ASTN2: variants seen among roughly 807,000 people sequenced by gnomAD.
ASTN2 encodes astrotactin-2.
In ASTN2, 54 loss-of-function variants were observed where a neutral mutation model predicts 139.8. That is an observed-to-expected ratio of 0.39 (90% confidence interval 0.31 to 0.48). The LOEUF (loss-of-function observed/expected upper bound fraction) is 0.48, where lower values mean the gene tolerates loss of function less well. ASTN2 is among the 20% of genes least tolerant of loss of function. The probability of loss-of-function intolerance (pLI) is 0.95; values close to 1 mark genes in which losing one functional copy is unlikely to be tolerated. For synonymous variants in ASTN2, 756 were observed against 719.5 expected (o/e 1.05, Z -0.81); for missense variants, 1,565 against 1,725.1 (o/e 0.91, Z 1.64).
chr9:117,244,943 A>G (rs893908324), intron 2 of ASTN2, among the ~76,000 whole-genome samples: 1 of 152,074 alleles, frequency 6.6e-6, no homozygotes, highest in Non-Finnish European at 1.5e-5. Context: ...GACTTTTTTC[A>G]GTTATATGTA....
chr9:116,973,601 C>A (rs79910900), intron 10 of ASTN2, among the ~76,000 whole-genome samples: 2 of 152,158 alleles, frequency 1.3e-5, no homozygotes, highest in African/African-American at 4.8e-5. Flanking sequence ...TGATTTCAAA[C>A]GAGGTAACTG....
chr9:116,724,716 A>G (rs1038579675), intron 16 of ASTN2, among the ~76,000 whole-genome samples: 5 of 152,124 alleles, frequency 3.3e-5, no homozygotes, highest in Non-Finnish European at 5.9e-5. Flanking sequence ...GTTCTTGGAG[A>G]TAGGGTGGCT....
chr9:117,150,508 A>G (rs1830304057), intron 3 of ASTN2, among the ~76,000 whole-genome samples: 1 of 152,154 alleles, frequency 6.6e-6, no homozygotes, highest in African/African-American at 2.4e-5. Context: ...CCTTGATAGC[A>G]ATGTGCAGGA....
At chr9:116,837,435 C>G (rs1318224532) in intron 11 of ASTN2, among the ~76,000 whole-genome samples, 2 of 152,138 alleles carry the variant, frequency 1.3e-5, no homozygotes, top group Non-Finnish European at 2.9e-5. Flanking sequence ...GAGGAAGATG[C>G]CTGGAGGATT....
chr9:117,042,085 C>T (rs1007291244), intron 5 of ASTN2, among the ~76,000 whole-genome samples: 7 of 152,120 alleles, frequency 4.6e-5, no homozygotes, highest in African/African-American at 1.7e-4. Flanking sequence ...CATGATGACT[C>T]CCATAAATGA....
intron 19 of ASTN2, chr9:116,504,140 G>C (rs1850004994): frequency 6.6e-6 from 1 of 152,240 alleles, no homozygotes; most frequent in South Asian, 2.1e-4. Flanking sequence ...AAAAACAATA[G>C]AAAAATAAAA....
chr9:116,990,120 C>T (rs1019655190), intron 7 of ASTN2, among the ~76,000 whole-genome samples: 1 of 152,072 alleles, frequency 6.6e-6, no homozygotes, highest in African/African-American at 2.4e-5. Context: ...TTTCCTTATC[C>T]ACAAATATAA....
At chr9:116,525,586 C>CT (rs1353355477) in intron 19 of ASTN2, among the ~76,000 whole-genome samples, 2 of 152,162 alleles carry the variant, frequency 1.3e-5, no homozygotes, top group Non-Finnish European at 2.9e-5. Context: ...CATCTCATCT[C>CT]TAATAGTGGT....
intron 1 of ASTN2, among the ~76,000 whole-genome samples, chr9:117,297,120 G>A (rs547282294): frequency 6.6e-6 from 1 of 152,274 alleles, no homozygotes; most frequent in African/African-American, 2.4e-5. Context: ...CAGCCATCTT[G>A]GTAACATCTC....
At chr9:117,114,512 T>C (rs767584443) in intron 4 of ASTN2, among the ~76,000 whole-genome samples, 10 of 152,344 alleles carry the variant, frequency 6.6e-5, no homozygotes, top group Middle Eastern at 3.4e-3. Flanking sequence ...TCAAAATTCA[T>C]GTTATATATC....
chr9:116,967,977 C>A (rs16934138), intron 10 of ASTN2, among the ~76,000 whole-genome samples: 9,892 of 152,236 alleles, frequency 0.065, 1,039 homozygotes, highest in African/African-American at 0.22. Flanking sequence ...TGGTTGCTTC[C>A]TTAACTGTAC....
chr9:116,563,367 T>G (rs927564289), intron 19 of ASTN2, among the ~76,000 whole-genome samples: 7 of 149,990 alleles, frequency 4.7e-5, no homozygotes, highest in Non-Finnish European at 1.0e-4. Flanking sequence ...AGAGCGAGAC[T>G]CTGTCTCAAA....
chr9:117,158,225 G>C (rs1487250610), intron 3 of ASTN2, among the ~76,000 whole-genome samples: 1 of 152,026 alleles, frequency 6.6e-6, no homozygotes, highest in Non-Finnish European at 1.5e-5. Context: ...AACTGTGCAA[G>C]TCCAGATACA....
rs1373960608 is a variant in ASTN2 at position 116,779,513 on chromosome 9, T to A, written c.2396+26119A>T. Among the ~76,000 whole-genome samples the A allele has an allele frequency of 7.6e-5, 11 of 144,220 alleles. No individual in the cohort carries two copies. The South Asian group carries it at 2.2e-3, about 29-fold the overall frequency. 94.6% of individuals were successfully genotyped at this position (144,220 alleles called of 152,430 possible). ...CCCAGTCTCAGATATTTTTTTTTTT[T>A]ATAGCAACACAGACACCTCCCTACA... On this transcript the variant is annotated intron_variant, in intron 13 of 22. Coordinates refer to ENST00000313400, the MANE Select transcript of ASTN2 (RefSeq NM_001365068.1).
intron 19 of ASTN2, among the ~76,000 whole-genome samples, chr9:116,531,827 C>T (rs562077370): frequency 2.6e-5 from 4 of 152,262 alleles, no homozygotes; most frequent in East Asian, 3.9e-4. Context: ...AGAAAACATA[C>T]GTGTGCATGT....
At chr9:117,330,025 C>A (rs993450410) in intron 1 of ASTN2, among the ~76,000 whole-genome samples, 1 of 152,148 alleles carries the variant, frequency 6.6e-6, no homozygotes. Flanking sequence ...CAGTAACTGG[C>A]AAAGCATGGA....
chr9:117,363,339 C>A (rs1197129027), intron 1 of ASTN2, among the ~76,000 whole-genome samples: 13 of 152,194 alleles, frequency 8.5e-5, no homozygotes, highest in Non-Finnish European at 1.9e-4. Context: ...ACTTTACACA[C>A]ATTATCTCAT....
At chr9:116,534,502 G>T (rs1239856407) in intron 19 of ASTN2, among the ~76,000 whole-genome samples, 3 of 152,164 alleles carry the variant, frequency 2.0e-5, no homozygotes, top group Non-Finnish European at 4.4e-5. Flanking sequence ...GGCATTTAGT[G>T]CTATAAATCT....
chr9:116,976,057 C>T, intron 9 of ASTN2, 57 bp downstream of exon 9: 1 of 1,530,172 alleles, frequency 6.5e-7, no homozygotes, highest in South Asian at 1.1e-5. Context: ...ACCACATCTT[C>T]CTATCAGTCC....
Sources: gnomAD v4.1 joint callset for allele counts (sites outside exome capture counted in the v4.1 genomes callset) on GRCh38, gnomAD v4.1.1 for gene constraint, MANE v1.5 for transcripts, NCBI Gene and HGNC (gene_info 2026-07-23, HGNC 2026-07-21) for gene names.